LDB2: variants seen among roughly 807,000 people sequenced by gnomAD.
LDB2 encodes the protein LIM domain binding 2, also known as LIM domain-binding protein 2.
In LDB2, 12 loss-of-function variants were observed where a neutral mutation model predicts 44.3. The ratio of observed to expected loss-of-function variants is 0.27; its 90% CI spans 0.17 to 0.44. The LOEUF (loss-of-function observed/expected upper bound fraction) is 0.44. Ranked by LOEUF, LDB2 falls within the 20% of genes least tolerant of loss-of-function variation. LDB2 has a pLI of 1.00. For synonymous variants in LDB2, 164 were observed against 174.8 expected (o/e 0.94, Z 0.49); for missense variants, 344 against 473.5 (o/e 0.73, Z 2.54).
At chr4:16,739,608 ATGTATATATACATGTG>A (rs1282060154) in intron 2 of LDB2, among the ~76,000 whole-genome samples, 5 of 86,196 alleles carry the variant, frequency 5.8e-5, no homozygotes, top group Admixed American at 2.7e-4. Context: ...ATATATATAT[ATGTATATATACATGTG>A]TGTGTATATA....
intron 2 of LDB2, among the ~76,000 whole-genome samples, chr4:16,632,610 G>T (rs183080090): frequency 6.6e-6 from 1 of 152,074 alleles, no homozygotes; most frequent in Non-Finnish European, 1.5e-5. Context: ...AGCAATAAAG[G>T]GTATTCAAAT....
At chr4:16,539,227 G>A (rs192592641) in intron 5 of LDB2, among the ~76,000 whole-genome samples, 2 of 152,048 alleles carry the variant, frequency 1.3e-5, no homozygotes, top group East Asian at 3.9e-4. Flanking sequence ...ATTAAGCTTT[G>A]GGAGACAGGT....
intron 2 of LDB2, among the ~76,000 whole-genome samples, chr4:16,682,090 G>C (rs996186969): frequency 1.3e-5 from 2 of 152,044 alleles, no homozygotes; most frequent in African/African-American, 4.8e-5. Context: ...GCTCATCATC[G>C]TGTTTATTTT....
At chr4:16,806,685 C>T (rs1193728838) in intron 1 of LDB2, among the ~76,000 whole-genome samples, 1 of 152,160 alleles carries the variant, frequency 6.6e-6, no homozygotes. Flanking sequence ...CATGGGACAC[C>T]TTCAAGAATC....
At chr4:16,578,779 A>G (rs1020526137) in intron 5 of LDB2, among the ~76,000 whole-genome samples, 7 of 152,240 alleles carry the variant, frequency 4.6e-5, no homozygotes, top group African/African-American at 1.7e-4. Context: ...AACAATAGCC[A>G]AGATTTTGGA....
At chr4:16,680,826 G>C (rs1747651861) in intron 2 of LDB2, among the ~76,000 whole-genome samples, 1 of 152,226 alleles carries the variant, frequency 6.6e-6, no homozygotes, top group Non-Finnish European at 1.5e-5. Flanking sequence ...AATGCAACAT[G>C]TCTGAATTCT....
At chr4:16,510,633 A>C (rs1194405779) in intron 6 of LDB2, among the ~76,000 whole-genome samples, 1 of 152,212 alleles carries the variant, frequency 6.6e-6, no homozygotes, top group African/African-American at 2.4e-5. Context: ...GGAGACATAA[A>C]AACCTTTTGG....
chr4:16,852,062 T>C (rs565628254), intron 1 of LDB2, among the ~76,000 whole-genome samples: 22 of 152,344 alleles, frequency 1.4e-4, no homozygotes, highest in Non-Finnish European at 2.5e-4. Context: ...GATCCTCTCA[T>C]GTTCCAGCTT....
intron 5 of LDB2, among the ~76,000 whole-genome samples, chr4:16,521,715 A>T (rs1225732935): frequency 6.6e-6 from 1 of 152,148 alleles, no homozygotes; most frequent in African/African-American, 2.4e-5. Context: ...TTGTTCTTCT[A>T]GCCCCAGGAG....
chr4:16,735,967 A>C (rs1318065158), intron 2 of LDB2, among the ~76,000 whole-genome samples: 1 of 152,200 alleles, frequency 6.6e-6, no homozygotes, highest in Non-Finnish European at 1.5e-5. Context: ...AATTAAAAAG[A>C]GAGAGAAAGA....
intron 1 of LDB2, among the ~76,000 whole-genome samples, chr4:16,796,341 A>G (rs886499699): frequency 6.6e-6 from 1 of 152,162 alleles, no homozygotes; most frequent in African/African-American, 2.4e-5. Flanking sequence ...ATGTTTCTAA[A>G]CTCTCACTGC....
chr4:16,539,221 A>G (rs1255552419), intron 5 of LDB2, among the ~76,000 whole-genome samples: 1 of 152,064 alleles, frequency 6.6e-6, no homozygotes, highest in Non-Finnish European at 1.5e-5. Flanking sequence ...TCTGGGATTA[A>G]GCTTTGGGAG....
At chr4:16,735,697 T>C (rs1487842553) in intron 2 of LDB2, among the ~76,000 whole-genome samples, 2 of 152,066 alleles carry the variant, frequency 1.3e-5, no homozygotes, top group East Asian at 3.9e-4. Context: ...TCACCTCTGG[T>C]ATATTGTTTC....
intron 2 of LDB2, among the ~76,000 whole-genome samples, chr4:16,613,097 C>T (rs1448682365): frequency 6.6e-6 from 1 of 152,086 alleles, no homozygotes; most frequent in Non-Finnish European, 1.5e-5. Context: ...ATAAACAGAA[C>T]CAAAGACAAA....
Position 16,595,791 on chromosome 4 carries a change from G to T in LDB2, c.320C>A (p.Ser107Ter). 2 of 1,613,598 alleles carry T rather than the reference G, an allele frequency of 1.2e-6. No homozygotes were observed. The highest frequency in any genetic ancestry group is 1.7e-6 in the Non-Finnish European group (2 of 1,179,806). Residue 107 changes from serine to a stop codon, truncating the protein, a stop_gained, in exon 3 of 8, where the codon TCG becomes TAG. Transcript: ENST00000304523. LOFTEE classifies it high-confidence loss of function. ...VTDLYYILKH[S>*]KESYHNSSIT... ...GGATGAGTTGTGGTATGACTCTTTC[G>T]AGTGTTTGAGAATGTAATACAGGTC... is the stretch of plus-strand genomic sequence containing the variant.
At chr4:16,789,148 G>A (rs1048008006) in intron 1 of LDB2, among the ~76,000 whole-genome samples, 8 of 152,196 alleles carry the variant, frequency 5.3e-5, no homozygotes, top group African/African-American at 1.9e-4. Flanking sequence ...GAGGTGGAGA[G>A]AATCTACTGG....
intron 2 of LDB2, among the ~76,000 whole-genome samples, chr4:16,630,092 A>G (rs1053733764): frequency 6.6e-6 from 1 of 152,234 alleles, no homozygotes; most frequent in Admixed American, 6.5e-5. Flanking sequence ...AGAGAACACC[A>G]CAAAGATACT....
intron 2 of LDB2, among the ~76,000 whole-genome samples, chr4:16,651,567 AC>A (rs1299791113): frequency 7.0e-6 from 1 of 142,096 alleles, no homozygotes; most frequent in Non-Finnish European, 1.6e-5. Context: ...ATTTTCTTGG[AC>A]CCTGGGGTGA....
At chr4:16,809,465 C>A (rs1779380007) in intron 1 of LDB2, among the ~76,000 whole-genome samples, 1 of 152,292 alleles carries the variant, frequency 6.6e-6, no homozygotes, top group South Asian at 2.1e-4. Context: ...GAGTTAAAGA[C>A]TGGGCAGATG....
Sources: allele counts gnomAD v4.1 joint callset (sites outside exome capture counted in the v4.1 genomes callset), GRCh38; gene constraint gnomAD v4.1.1; transcripts MANE v1.5; gene names NCBI Gene and HGNC (gene_info 2026-07-23, HGNC 2026-07-21).